ZFHX3: variants seen among roughly 807,000 people sequenced by gnomAD.
The protein encoded by ZFHX3 is zinc finger homeobox protein 3.
ZFHX3 carries 42 observed loss-of-function variants against 279.1 expected under a neutral mutation model. The ratio of observed to expected loss-of-function variants is 0.15; its 90% CI spans 0.12 to 0.19. The LOEUF (loss-of-function observed/expected upper bound fraction) is 0.19. Among genes scored for constraint, ZFHX3 ranks in the 10% least tolerant of loss-of-function variants. ZFHX3 has a pLI of 1.00. For missense variants in ZFHX3, 4,981 were observed against 4,754.0 expected (o/e 1.05, Z -1.40); for synonymous variants, 2,293 against 1,957.8 (o/e 1.17, Z -4.52).
chr16:73,170,584 C>T (rs190230826), intron 5 of ZFHX3, among the ~76,000 whole-genome samples: 1 of 152,202 alleles, frequency 6.6e-6, no homozygotes, highest in East Asian at 1.9e-4. Flanking sequence ...TGTTCACTGG[C>T]CAGCTGGGAA....
chr16:73,240,542 A>T (rs2013090308), intron 5 of ZFHX3, among the ~76,000 whole-genome samples: 1 of 152,004 alleles, frequency 6.6e-6, no homozygotes, highest in Non-Finnish European at 1.5e-5. Flanking sequence ...TAAATGACAA[A>T]ATCACCAACT....
At chr16:73,054,991 C>A (rs1007575381) in intron 1 of ZFHX3, among the ~76,000 whole-genome samples, 3 of 151,436 alleles carry the variant, frequency 2.0e-5, no homozygotes, top group Non-Finnish European at 4.4e-5. Flanking sequence ...ACCTATACAG[C>A]AGACGAATTG....
At chr16:72,816,445 G>T (rs942823772) in intron 5 of ZFHX3, among the ~76,000 whole-genome samples, 6 of 152,192 alleles carry the variant, frequency 3.9e-5, no homozygotes, top group African/African-American at 1.4e-4. Flanking sequence ...CTAGGTAAAT[G>T]GGATATTGTG....
At chr16:73,629,056 G>T (rs9972870) in intron 2 of ZFHX3, among the ~76,000 whole-genome samples, 6,247 of 152,230 alleles carry the variant, frequency 0.041, 450 homozygotes, top group African/African-American at 0.14. Flanking sequence ...ACCCCCGCCG[G>T]TGTGCCCGTG....
At chr16:73,473,782 A>C (rs1472642135) in intron 2 of ZFHX3, among the ~76,000 whole-genome samples, 3 of 152,242 alleles carry the variant, frequency 2.0e-5, no homozygotes, top group East Asian at 1.9e-4. Context: ...TTCTTTAACA[A>C]ATGGGAGCTT....
chr16:73,380,835 T>A (rs2016807680), intron 3 of ZFHX3, among the ~76,000 whole-genome samples: 1 of 152,178 alleles, frequency 6.6e-6, no homozygotes, highest in East Asian at 1.9e-4. Context: ...TGAGACCCCA[T>A]CTCTACAAGA....
chr16:73,351,250 C>T (rs1402850182), intron 3 of ZFHX3, among the ~76,000 whole-genome samples: 2 of 152,196 alleles, frequency 1.3e-5, no homozygotes, highest in East Asian at 1.9e-4. Context: ...CAAACGCCTT[C>T]GTTCAAGTGT....
intron 1 of ZFHX3, among the ~76,000 whole-genome samples, chr16:73,848,377 C>T (rs538494211): frequency 1.4e-4 from 21 of 152,116 alleles, no homozygotes; most frequent in Admixed American, 4.6e-4. Context: ...ACTAGGGCAA[C>T]GTTACTTGAT....
At chr16:73,331,719 A>G (rs2015808532) in intron 3 of ZFHX3, among the ~76,000 whole-genome samples, 1 of 152,240 alleles carries the variant, frequency 6.6e-6, no homozygotes, top group Non-Finnish European at 1.5e-5. Context: ...CAGTTCTGCT[A>G]CATTCCCAGG....
intron 3 of ZFHX3, among the ~76,000 whole-genome samples, chr16:73,403,363 A>G (rs2017295826): frequency 6.6e-6 from 1 of 152,184 alleles, no homozygotes; most frequent in Non-Finnish European, 1.5e-5. Flanking sequence ...GCCCTCCACC[A>G]TATCCTGTCA....
At chr16:73,627,591 G>C (rs2052429613) in intron 2 of ZFHX3, among the ~76,000 whole-genome samples, 1 of 152,176 alleles carries the variant, frequency 6.6e-6, no homozygotes, top group African/African-American at 2.4e-5. Flanking sequence ...TCATATTAAT[G>C]ATCACAAGGG....
intron 2 of ZFHX3, among the ~76,000 whole-genome samples, chr16:73,516,244 A>C (rs965983926): frequency 1.3e-5 from 2 of 152,226 alleles, no homozygotes; most frequent in African/African-American, 4.8e-5. Context: ...GCACAGCGGG[A>C]CTTAGAGCAG....
intron 5 of ZFHX3, among the ~76,000 whole-genome samples, chr16:73,174,811 A>C (rs1967621380): frequency 6.7e-6 from 1 of 148,280 alleles, no homozygotes; most frequent in Non-Finnish European, 1.5e-5. Context: ...TGAGGTCAGG[A>C]GTTCAAGACC....
intron 5 of ZFHX3, among the ~76,000 whole-genome samples, chr16:73,169,332 A>G (rs888747956): frequency 3.3e-5 from 5 of 152,174 alleles, no homozygotes; most frequent in South Asian, 4.1e-4. Flanking sequence ...AACAATCTAG[A>G]ATGTTGGTAT....
chr16:73,012,151 T>C (rs976351499), intron 1 of ZFHX3, among the ~76,000 whole-genome samples: 5 of 152,200 alleles, frequency 3.3e-5, no homozygotes, highest in African/African-American at 1.2e-4. Context: ...AACTGAGAAC[T>C]TGATCTCAAG....
intron 1 of ZFHX3, among the ~76,000 whole-genome samples, chr16:73,769,407 T>G: frequency 6.6e-6 from 1 of 152,188 alleles, no homozygotes; most frequent in Admixed American, 6.5e-5. Flanking sequence ...TAATGACATT[T>G]CATAATAGTG....
chr16:73,336,724 T>C (rs528308548), intron 3 of ZFHX3, among the ~76,000 whole-genome samples: 3 of 152,146 alleles, frequency 2.0e-5, no homozygotes, highest in Non-Finnish European at 4.4e-5. Flanking sequence ...TAGGGTACAA[T>C]CATTGAAGCC....
chr16:73,020,405 A>G (rs1432313672), intron 1 of ZFHX3, among the ~76,000 whole-genome samples: 1 of 152,130 alleles, frequency 6.6e-6, no homozygotes, highest in Non-Finnish European at 1.5e-5. Flanking sequence ...AAATTTCCCA[A>G]CAAAAGCTCT....
intron 2 of ZFHX3, among the ~76,000 whole-genome samples, chr16:73,476,102 C>T (rs118101708): frequency 0.06 from 9,091 of 152,152 alleles, 435 homozygotes; most frequent in Non-Finnish European, 0.084. Context: ...ATAGGGATAA[C>T]GTTCATTGTT....
Sources: gnomAD v4.1 joint callset for allele counts (sites outside exome capture counted in the v4.1 genomes callset) on GRCh38, gnomAD v4.1.1 for gene constraint, MANE v1.5 for transcripts, NCBI Gene and HGNC (gene_info 2026-07-23, HGNC 2026-07-21) for gene names.